The following RHCE variants were observed in gnomAD, a reference collection of about 807,000 sequenced individuals.
RHCE encodes blood group Rh(CE) polypeptide.
RHCE carries 22 observed loss-of-function variants against 43.8 expected under a neutral mutation model. That is an observed-to-expected ratio of 0.50 (90% CI 0.36 to 0.72). The LOEUF (loss-of-function observed/expected upper bound fraction) is 0.72, where lower values mean the gene tolerates loss of function less well. RHCE is among the 30% of genes least tolerant of loss of function. RHCE has a pLI of 0.00. For missense variants in RHCE, 385 were observed against 525.4 expected (o/e 0.73, Z 2.61); for synonymous variants, 156 against 210.7 (o/e 0.74, Z 2.25).
At chr1:25,415,211 C>G (rs1647292441) in intron 1 of RHCE, among the ~76,000 whole-genome samples, 2 of 152,128 alleles carry the variant, frequency 1.3e-5, no homozygotes, top group Admixed American at 6.6e-5. Context: ...ACTGCCCCTG[C>G]CCATCTGGTC....
chr1:25,429,502 C>T (rs1571939339), intron 1 of RHCE, among the ~76,000 whole-genome samples: 1 of 152,084 alleles, frequency 6.6e-6, no homozygotes, highest in Admixed American at 6.5e-5. Context: ...GCCCCATTGT[C>T]GTTGAGGGAT....
chr1:25,380,964 C>T lies in RHCE; in HGVS notation c.1073+4747G>A, dbSNP rs560170666. Among the ~76,000 whole-genome samples, 13 of 146,182 alleles carry T rather than the reference C, an allele frequency of 8.9e-5. No individual in the cohort carries two copies. The South Asian group carries it at 1.9e-3, about 22-fold the overall frequency. On this transcript the variant is annotated intron_variant, in intron 7 of 9. Transcript: ENST00000294413. ...TCGCCCAGGCTGGAGTGCAGTGGCG[C>T]GATCTCGGCTCACTGCAAGCTCTGC...
intron 3 of RHCE, among the ~76,000 whole-genome samples, chr1:25,394,212 C>G (rs1452525378): frequency 3.9e-5 from 6 of 152,166 alleles, no homozygotes; most frequent in African/African-American, 1.4e-4. Context: ...TGGTCTCGAA[C>G]TCCTGACCTC....
At chr1:25,410,384 TTTTAC>T (rs1475301761) in intron 1 of RHCE, among the ~76,000 whole-genome samples, 1 of 152,140 alleles carries the variant, frequency 6.6e-6, no homozygotes, top group Admixed American at 6.5e-5. Flanking sequence ...TTGGGAGATG[TTTTAC>T]TTTTTTAGTT....
intron 7 of RHCE, among the ~76,000 whole-genome samples, chr1:25,378,245 C>T (rs1369167874): frequency 2.6e-5 from 4 of 152,322 alleles, no homozygotes; most frequent in African/African-American, 9.6e-5. Context: ...CTAGAGAAAA[C>T]TGTTTAGCAG....
chr1:25,368,751 A>G lies in RHCE; in HGVS notation c.1227+1716T>C, dbSNP rs1645508396. On this transcript the variant is annotated intron_variant, in intron 9 of 9. Transcript: ENST00000294413. ...AACTCACTTGGTTACAACACTTTAA[A>G]TATGTACAATTGTTTTGTTTTGTTT... is the stretch of plus-strand genomic sequence containing the variant. 2.7e-5 allele frequency among the ~76,000 whole-genome samples: 4 copies of G among 148,534 alleles called. No individual in the cohort carries two copies. In the South Asian group the frequency reaches 8.6e-4, roughly 32 times the overall value.
chr1:25,412,168 G>A (rs529340748), intron 1 of RHCE, among the ~76,000 whole-genome samples: 62 of 151,582 alleles, frequency 4.1e-4, no homozygotes, highest in Non-Finnish European at 7.8e-4. Context: ...GCAGCAGAGC[G>A]CAGCTCTGAA....
intron 1 of RHCE, among the ~76,000 whole-genome samples, chr1:25,420,402 C>T (rs1191586265): frequency 6.6e-6 from 1 of 152,078 alleles, no homozygotes; most frequent in Non-Finnish European, 1.5e-5. Flanking sequence ...AAGAGGATGC[C>T]TCTCACTGTG....
At position 25,410,764 on chromosome 1, in the gene RHCE, G is replaced by A. The variant is rs569782282; in HGVS notation, c.149-1895C>T. On this transcript the variant is annotated intron_variant, in intron 1 of 9. Transcript: ENST00000294413. The stretch of plus-strand genomic sequence containing the variant: ...GTTTTGAGTTCACATAGCTCTGTTC[G>A]ATCCCAGCTCTATCATTTCCTATTA... 4.6e-5 allele frequency among the ~76,000 whole-genome samples: 7 copies of A among 152,202 alleles called. No homozygotes were observed. In the South Asian group the frequency reaches 1.2e-3, roughly 27 times the overall value.
intron 1 of RHCE, chr1:25,411,291 G>C (rs569638020): frequency 1.9e-5 from 30 of 1,548,476 alleles, no homozygotes; most frequent in Non-Finnish European, 2.5e-5. Flanking sequence ...TCAATAAATA[G>C]TGGCTGTTCA....
intron 1 of RHCE, 135 bp downstream of exon 1, chr1:25,420,504 T>C (rs1571932083): frequency 6.4e-7 from 1 of 1,565,604 alleles, no homozygotes; most frequent in East Asian, 2.2e-5. Context: ...CGGTGCAATC[T>C]ACGGAAGAAG....
chr1:25,427,896 C>T (rs1230924813), intron 2 of RHCE, among the ~76,000 whole-genome samples: 1 of 152,224 alleles, frequency 6.6e-6, no homozygotes, highest in African/African-American at 2.4e-5. Flanking sequence ...ACAGGGTGGG[C>T]TGGTGACTCA....
intron 1 of RHCE, among the ~76,000 whole-genome samples, chr1:25,429,481 GA>G: frequency 6.6e-6 from 1 of 152,246 alleles, no homozygotes; most frequent in South Asian, 2.1e-4. Context: ...AAATGCACTG[GA>G]AGACTAACTG....
Position 25,362,395 on chromosome 1 carries a change from G to A in RHCE, c.*132C>T. ...TCTTTAATTTTTTAATATCAAATCT[G>A]TCTCTGACCTTGTTTCATTATACAT... is the stretch of plus-strand genomic sequence containing the variant. On this transcript the variant is annotated 3_prime_UTR_variant, in exon 10 of 10. Transcript: ENST00000294413. 1.9e-6 allele frequency: 3 copies of A among 1,604,886 alleles called. No homozygotes were observed. The highest frequency in any genetic ancestry group is 2.6e-6 in the Non-Finnish European group (3 of 1,173,744).
rs779315440 is a variant in RHCE at position 25,403,538 on chromosome 1, C to CA, written c.336-793dup. On this transcript the variant is annotated intron_variant, in intron 2 of 9. Coordinates refer to ENST00000294413, the MANE Select transcript of RHCE (RefSeq NM_020485.8). ...TTTGGTCTTGAAGGTTCTTATGATC[C>CA]AAAAAAAAAAAAAATGTACTTATGA... Among the ~76,000 whole-genome samples, 327 of 131,132 alleles carry CA rather than the reference C, an allele frequency of 2.5e-3. 1 individual carries two copies. The highest frequency in any genetic ancestry group is 7.7e-3 in the Middle Eastern group (2 of 260). The allele number at this position is 131,132 out of a possible 152,430, so 86.0% of individuals were successfully genotyped here.
In RHCE at chr1:25,385,753, A is replaced by C. The variant is rs769725474; in HGVS notation, c.1031T>G (p.Ile344Ser). 1.2e-6 allele frequency: 2 copies of C among 1,613,858 alleles called. No homozygotes were observed. The highest frequency in any genetic ancestry group is 4.5e-5 in the East Asian group (2 of 44,806). Residue 344 changes from isoleucine to serine, a missense_variant, in exon 7 of 10, where the codon ATT (isoleucine) becomes AGT (serine). By Grantham distance (142) the Ile-to-Ser change is moderately radical. Coordinates refer to ENST00000294413, the MANE Select transcript of RHCE (RefSeq NM_020485.8). The part of the protein sequence containing the change: ...LLGLLGEITY[I>S]VLLVLHTVWN... The stretch of plus-strand genomic sequence containing the variant: ...GACAGTATGAAGCACCAGCAGCACA[A>C]TGTAGGTGATCTCTCCAAGCAGACC...
At chr1:25,388,844 G>A in intron 6 of RHCE, 132 bp downstream of exon 6, 1 of 1,452,298 alleles carries the variant, frequency 6.9e-7, no homozygotes. Flanking sequence ...TCCCTCGCTA[G>A]GCGTTGAAGC....
At chr1:25,393,084 C>G (rs1474498781) in intron 3 of RHCE, among the ~76,000 whole-genome samples, 1 of 152,180 alleles carries the variant, frequency 6.6e-6, no homozygotes, top group Non-Finnish European at 1.5e-5. Context: ...TCATGACTAT[C>G]ACATTTTAGT....
chr1:25,404,002 A>C lies in RHCE; in HGVS notation c.336-1256T>G, dbSNP rs921163862. On this transcript the variant is annotated intron_variant, in intron 2 of 9. Coordinates refer to ENST00000294413, the MANE Select transcript of RHCE (RefSeq NM_020485.8). ...GGCCAACATGGTGAAACTCTGTCTC[A>C]ACTAAAAATACAAAAATTACCCGGG... is the stretch of plus-strand genomic sequence containing the variant. Among the ~76,000 whole-genome samples, 3 of 149,454 alleles carry C rather than the reference A, an allele frequency of 2.0e-5. No individual in the cohort carries two copies. In the South Asian group the frequency reaches 6.3e-4, roughly 31 times the overall value.
Sources: allele counts gnomAD v4.1 joint callset (sites outside exome capture counted in the v4.1 genomes callset), GRCh38; gene constraint gnomAD v4.1.1; transcripts MANE v1.5; gene names NCBI Gene and HGNC (gene_info 2026-07-23, HGNC 2026-07-21).